The following TNFRSF8 variants were observed in gnomAD, a reference collection of about 807,000 sequenced individuals.
TNFRSF8 encodes the protein TNF receptor superfamily member 8.
In TNFRSF8, 26 loss-of-function variants were observed where a neutral mutation model predicts 70.8. The observed-to-expected ratio is 0.37, with a 90% CI of 0.27 to 0.51. The LOEUF is 0.51. Ranked by LOEUF, TNFRSF8 falls within the 20% of genes least tolerant of loss-of-function variation. The probability of loss-of-function intolerance (pLI) is 0.94; values close to 1 mark genes in which losing one functional copy is unlikely to be tolerated. For synonymous variants in TNFRSF8, 356 were observed against 339.2 expected (o/e 1.05, Z -0.54); for missense variants, 720 against 807.9 (o/e 0.89, Z 1.32).
rs774987154 is a variant in TNFRSF8, at chr1:12,111,957, C to T, written c.736C>T (p.Pro246Ser). The T allele has an allele frequency of 6.2e-7, 1 of 1,614,242 alleles. No individual in the cohort carries two copies. Among genetic ancestry groups the T allele is most frequent in the East Asian group, 2.2e-5 (1 of 44,882 alleles). ...TGGTGATTGCAGAAAGCAGTGTGAG[C>T]CCGACTACTACCTGGACGAGGCCGG... is the stretch of plus-strand genomic sequence containing the variant. ...GSGDCRKQCE[P>S]DYYLDEAGRC... is the part of the protein sequence containing the mutation. Residue 246 changes from proline (P) to serine (S), a missense_variant, in exon 7 of 15, where the codon CCC becomes TCC. Coordinates refer to ENST00000263932, the MANE Select transcript of TNFRSF8 (RefSeq NM_001243.5).
intron 3 of TNFRSF8, among the ~76,000 whole-genome samples, chr1:12,100,616 C>A (rs1413683383): frequency 6.7e-6 from 1 of 149,344 alleles, no homozygotes; most frequent in Admixed American, 6.7e-5. Context: ...TTATCCGAGG[C>A]CTACACAGAG....
At chr1:12,122,343 C>A (rs1641844665) in intron 8 of TNFRSF8, among the ~76,000 whole-genome samples, 1 of 151,622 alleles carries the variant, frequency 6.6e-6, no homozygotes, top group South Asian at 2.1e-4. Context: ...GGGATACTTT[C>A]TTGTATATAA....
chr1:12,138,968 TCCACGTTA>T lies in TNFRSF8; in HGVS notation c.1543+537_1543+544del, dbSNP rs1038192550. 6.6e-6 allele frequency among the ~76,000 whole-genome samples: 1 copy of T among 152,184 alleles called. No individual in the cohort carries two copies. Among genetic ancestry groups the T allele is most frequent in the African/African-American group, 2.4e-5 (1 of 41,432 alleles). Reference sequence around the variant, plus strand: ...GCTGGGCCTTGAAGCCCGTGGTTTGTCCACGTTACCACCCACCCTCTGCAGAAGCAGGA... The same window carrying T: ...GCTGGGCCTTGAAGCCCGTGGTTTGTCCACCCACCCTCTGCAGAAGCAGGA... On this transcript the variant is annotated intron_variant, in intron 14 of 14. Transcript: ENST00000263932. This position sits in a 1 kb window ranked among gnomAD's most constrained non-coding sequence, Gnocchi z 5.7.
rs2101004980 is a variant in TNFRSF8 at position 12,110,501 on chromosome 1, T to C, written c.676+297T>C. 6.6e-6 allele frequency among the ~76,000 whole-genome samples: 1 copy of C among 152,372 alleles called. No homozygotes were observed. Among genetic ancestry groups the C allele is most frequent in the South Asian group, 2.1e-4 (1 of 4,834 alleles). On this transcript the variant is annotated intron_variant, in intron 6 of 14. Transcript: ENST00000263932. The surrounding 1 kb of genome is among the most constrained non-coding windows in gnomAD (Gnocchi z 4.0). ...TGTCAGAGGGAAATGGGTCCCACTC[T>C]GCTGTTGTGACACTTGCGACTCAGC...
Position 12,112,055 on chromosome 1 carries a change from T to G in TNFRSF8, c.793+41T>G. 1 of 1,498,872 alleles carries G rather than the reference T, an allele frequency of 6.7e-7. No homozygotes were observed. 92.8% of individuals were successfully genotyped at this position (1,498,872 alleles called of 1,614,324 possible). A position where few individuals can be genotyped will look rare whatever the true frequency, so the allele number is the denominator to read the frequency against. ...CTCCCCGGGCCTCAGTTTACCTCTC[T>G]GCATTTTTGAACCGTGAACTTCCAG... On this transcript the variant is annotated intron_variant, in intron 7 of 14. Coordinates refer to ENST00000263932, the MANE Select transcript of TNFRSF8 (RefSeq NM_001243.5). This position sits in a 1 kb window ranked among gnomAD's most constrained non-coding sequence, Gnocchi z 5.3.
chr1:12,091,842 C>G (rs1264825064), intron 2 of TNFRSF8, among the ~76,000 whole-genome samples: 1 of 152,214 alleles, frequency 6.6e-6, no homozygotes, highest in East Asian at 1.9e-4. Flanking sequence ...TGTTCCATCT[C>G]AGATCATCAG....
At chr1:12,079,405 C>A (rs1170193732) in intron 1 of TNFRSF8, among the ~76,000 whole-genome samples, 4 of 152,174 alleles carry the variant, frequency 2.6e-5, no homozygotes, top group Admixed American at 2.6e-4. Context: ...CCCCCTCCCA[C>A]TCTTCGCTTT....
chr1:12,115,148 C>T (rs907440723), intron 7 of TNFRSF8, among the ~76,000 whole-genome samples: 3 of 152,200 alleles, frequency 2.0e-5, no homozygotes, highest in Non-Finnish European at 2.9e-5. Context: ...CCGCTCACCC[C>T]GTCCCCTGGA....
chr1:12,115,077 T>C (rs1641703995), intron 7 of TNFRSF8, among the ~76,000 whole-genome samples: 1 of 152,194 alleles, frequency 6.6e-6, no homozygotes, highest in Non-Finnish European at 1.5e-5. Flanking sequence ...GGCTGCGTAC[T>C]ATCACCCAGC....
intron 10 of TNFRSF8, among the ~76,000 whole-genome samples, chr1:12,124,462 A>G (rs17456259): frequency 0.48 from 73,216 of 152,102 alleles, 18,216 homozygotes; most frequent in East Asian, 0.71. Flanking sequence ...TGTCTCATCT[A>G]TACAATGGTA....
chr1:12,072,094 C>T (rs1021902689), intron 1 of TNFRSF8, among the ~76,000 whole-genome samples: 1 of 152,160 alleles, frequency 6.6e-6, no homozygotes. Flanking sequence ...AGTTAAGTTA[C>T]CTCTGTGTGC....
chr1:12,070,556 G>C (rs1640824552), intron 1 of TNFRSF8, among the ~76,000 whole-genome samples: 1 of 152,104 alleles, frequency 6.6e-6, no homozygotes, highest in Non-Finnish European at 1.5e-5. Context: ...AACTCCCAGG[G>C]CTCAGGTGAT....
At chr1:12,130,139 C>T (rs1444179133) in intron 12 of TNFRSF8, among the ~76,000 whole-genome samples, 1 of 152,200 alleles carries the variant, frequency 6.6e-6, no homozygotes, top group African/African-American at 2.4e-5. Flanking sequence ...AACTCCTGGC[C>T]TCAAGTGGTC....
intron 13 of TNFRSF8, among the ~76,000 whole-genome samples, chr1:12,136,935 CAGAG>C (rs893178941): frequency 7.4e-6 from 1 of 134,310 alleles, no homozygotes; most frequent in Non-Finnish European, 1.6e-5. Flanking sequence ...GGGTGTTTCT[CAGAG>C]AGGGGGATTT....
At position 12,072,663 on chromosome 1, in the gene TNFRSF8, T is replaced by C. The variant is rs116163294; in HGVS notation, c.63+9002T>C. ...GGTCCTCCAGGGGGCTAAGAACTCC[T>C]AGAGGCGTCGCCCACAGCTTCATTT... On this transcript the variant is annotated intron_variant, in intron 1 of 14. Transcript: ENST00000263932. 6.3e-3 allele frequency among the ~76,000 whole-genome samples: 959 copies of C among 152,290 alleles called. 13 individuals carry two copies. Among genetic ancestry groups the C allele is most frequent in the African/African-American group, 0.022 (928 of 41,572 alleles).
rs188098489 is a variant in TNFRSF8, at chr1:12,080,927, T to C, written c.64-3537T>C. On this transcript the variant is annotated intron_variant, in intron 1 of 14. Transcript: ENST00000263932. ...AGATGGGGGAGAATTGGGGACACGG[T>C]GAAGCTCAAACCTCTCTGCACTTAG... Among the ~76,000 whole-genome samples the C allele has an allele frequency of 3.9e-5, 6 of 152,252 alleles. No homozygotes were observed. The East Asian group carries it at 1.2e-3, about 29-fold the overall frequency.
intron 12 of TNFRSF8, 101 bp downstream of exon 12, chr1:12,126,337 C>T (rs1339640249): frequency 7.3e-7 from 1 of 1,371,728 alleles, no homozygotes; most frequent in African/African-American, 1.4e-5. Context: ...CTACCCCAGC[C>T]TCGAAGCTCC....
At chr1:12,094,558 G>C (rs1278528266) in intron 2 of TNFRSF8, among the ~76,000 whole-genome samples, 1 of 151,482 alleles carries the variant, frequency 6.6e-6, no homozygotes, top group Non-Finnish European at 1.5e-5. Flanking sequence ...TTACCTCTCA[G>C]ACTACTGGGG....
At chr1:12,093,016 G>T (rs2100980113) in intron 2 of TNFRSF8, among the ~76,000 whole-genome samples, 1 of 152,174 alleles carries the variant, frequency 6.6e-6, no homozygotes, top group African/African-American at 2.4e-5. Context: ...ATGTTGGCCA[G>T]GGTGGTCTTG....
Sources: gnomAD v4.1 joint callset for allele counts (sites outside exome capture counted in the v4.1 genomes callset) on GRCh38, gnomAD v4.1.1 for gene constraint, Gnocchi (gnomAD v3.1) non-coding constraint, MANE v1.5 for transcripts, NCBI Gene and HGNC (gene_info 2026-07-23, HGNC 2026-07-21) for gene names.